The following HPSE2 variants were observed in gnomAD, a reference collection of about 807,000 sequenced individuals.
HPSE2 encodes the protein heparanase 2 (inactive).
Under a neutral mutation model 60.5 loss-of-function variants are expected in HPSE2, and 38 were observed. The ratio of observed to expected loss-of-function variants is 0.63; its 90% CI spans 0.48 to 0.82. The LOEUF is 0.82. Among genes scored for constraint, HPSE2 ranks in the 40% least tolerant of loss-of-function variants. The pLI is 0.00. For synonymous variants in HPSE2, 295 were observed against 293.2 expected (o/e 1.01, Z -0.06); for missense variants, 713 against 740.4 (o/e 0.96, Z 0.43).
chr10:99,002,088 C>A (rs1350812920), intron 3 of HPSE2, among the ~76,000 whole-genome samples: 1 of 151,992 alleles, frequency 6.6e-6, no homozygotes, highest in Non-Finnish European at 1.5e-5. Context: ...TGAGGAGGTA[C>A]GTCAAAGAGA....
At chr10:99,018,619 G>C (rs1404202674) in intron 3 of HPSE2, among the ~76,000 whole-genome samples, 1 of 152,172 alleles carries the variant, frequency 6.6e-6, no homozygotes, top group African/African-American at 2.4e-5. Flanking sequence ...AGCTTTAAAA[G>C]ATGTACAGGT....
chr10:99,011,481 GGC>G (rs1957013489), intron 3 of HPSE2, among the ~76,000 whole-genome samples: 1 of 151,912 alleles, frequency 6.6e-6, no homozygotes, highest in Admixed American at 6.6e-5. Context: ...ATACAGGCTG[GGC>G]GTGGTGGCTC....
intron 3 of HPSE2, among the ~76,000 whole-genome samples, chr10:98,765,872 ACATCATT>A: frequency 6.6e-6 from 1 of 152,036 alleles, no homozygotes; most frequent in African/African-American, 2.4e-5. Context: ...GAGAGGTTTC[ACATCATT>A]AATCTAATCA....
chr10:99,143,220 T>A (rs1356168955), intron 3 of HPSE2, among the ~76,000 whole-genome samples: 1 of 152,206 alleles, frequency 6.6e-6, no homozygotes, highest in Non-Finnish European at 1.5e-5. Context: ...TAAGTCTGGC[T>A]TTCATCTCAT....
At chr10:98,634,600 G>C (rs987833055) in intron 7 of HPSE2, among the ~76,000 whole-genome samples, 3 of 152,128 alleles carry the variant, frequency 2.0e-5, no homozygotes, top group African/African-American at 7.2e-5. Context: ...CTGGTTAAAA[G>C]CAAGAATTTC....
intron 3 of HPSE2, chr10:99,047,733 G>A (rs1957888752): frequency 7.1e-6 from 6 of 850,614 alleles, no homozygotes; most frequent in Non-Finnish European, 1.2e-5. Flanking sequence ...AAGATCAAGT[G>A]CCTGAGAAAG....
chr10:98,995,857 A>G (rs757927475), intron 3 of HPSE2, among the ~76,000 whole-genome samples: 9 of 152,184 alleles, frequency 5.9e-5, no homozygotes, highest in African/African-American at 1.4e-4. Flanking sequence ...GACAATGAGT[A>G]CATGAAAAGG....
chr10:98,951,801 AAAT>A (rs1364425777), intron 3 of HPSE2, among the ~76,000 whole-genome samples: 1 of 152,194 alleles, frequency 6.6e-6, no homozygotes, highest in Non-Finnish European at 1.5e-5. Context: ...GATGCTTACT[AAAT>A]AATAATAAAG....
intron 3 of HPSE2, among the ~76,000 whole-genome samples, chr10:98,982,664 T>G (rs1956234972): frequency 6.6e-6 from 1 of 152,108 alleles, no homozygotes; most frequent in Non-Finnish European, 1.5e-5. Context: ...TCACTATGCA[T>G]TCTAGATAAG....
chr10:99,021,629 GGATT>G (rs1324016056), intron 3 of HPSE2, among the ~76,000 whole-genome samples: 4 of 152,068 alleles, frequency 2.6e-5, no homozygotes, highest in African/African-American at 4.8e-5. Flanking sequence ...GGTGTTTTAA[GGATT>G]GATTAATTGA....
chr10:98,693,116 C>T (rs1236565078), intron 6 of HPSE2, among the ~76,000 whole-genome samples: 1 of 152,136 alleles, frequency 6.6e-6, no homozygotes, highest in African/African-American at 2.4e-5. Flanking sequence ...CCTATGAGGG[C>T]CCTGAGTAAA....
chr10:98,476,716 G>A (rs907539586), intron 11 of HPSE2, among the ~76,000 whole-genome samples: 18 of 152,134 alleles, frequency 1.2e-4, no homozygotes, highest in African/African-American at 3.1e-4. Context: ...CTTGAACCTG[G>A]GGGGCAGAGG....
At chr10:99,223,261 T>C (rs1424895197) in intron 2 of HPSE2, among the ~76,000 whole-genome samples, 4 of 152,296 alleles carry the variant, frequency 2.6e-5, no homozygotes, top group Middle Eastern at 3.4e-3. Context: ...GAAGGATTAA[T>C]GTATTAATGC....
the HPSE2 span, among the ~76,000 whole-genome samples, chr10:99,264,731 T>G: frequency 6.6e-6 from 1 of 152,190 alleles, no homozygotes; most frequent in Non-Finnish European, 1.5e-5. Flanking sequence ...GTTTAGTTTC[T>G]CAATTCATAC....
intron 3 of HPSE2, among the ~76,000 whole-genome samples, chr10:98,746,045 C>T (rs1351494613): frequency 6.6e-6 from 1 of 151,994 alleles, no homozygotes; most frequent in Non-Finnish European, 1.5e-5. Context: ...TTAAGAAGCA[C>T]CAAGAACAAG....
chr10:98,642,653 A>G (rs1165476509), intron 6 of HPSE2, among the ~76,000 whole-genome samples: 1 of 152,200 alleles, frequency 6.6e-6, no homozygotes, highest in Admixed American at 6.5e-5. Context: ...TATGTTGTAA[A>G]TATTTGACCA....
intron 1 of HPSE2, among the ~76,000 whole-genome samples, chr10:99,234,289 TC>T (rs778003128): frequency 2.0e-5 from 3 of 151,974 alleles, no homozygotes; most frequent in Non-Finnish European, 4.4e-5. Context: ...ACGTGGCGCC[TC>T]CCGCTACCTG....
intron 11 of HPSE2, among the ~76,000 whole-genome samples, chr10:98,462,741 C>T (rs1564895846): frequency 6.6e-6 from 1 of 152,136 alleles, no homozygotes; most frequent in Non-Finnish European, 1.5e-5. Flanking sequence ...TGTCCCTGGA[C>T]TCTTCTGTCC....
At chr10:98,460,012 A>T (rs1940217242) in intron 11 of HPSE2, among the ~76,000 whole-genome samples, 1 of 152,202 alleles carries the variant, frequency 6.6e-6, no homozygotes, top group Non-Finnish European at 1.5e-5. Flanking sequence ...CCCAAGTCAC[A>T]CAGCTTGGAG....
Sources: gnomAD v4.1 joint callset for allele counts (sites outside exome capture counted in the v4.1 genomes callset) on GRCh38, gnomAD v4.1.1 for gene constraint, MANE v1.5 for transcripts, NCBI Gene and HGNC (gene_info 2026-07-23, HGNC 2026-07-21) for gene names.